The following ASIC2 variants were observed in gnomAD, a reference collection of about 807,000 sequenced individuals.
ASIC2 encodes the protein acid sensing ion channel subunit 2.
Under a neutral mutation model 57.3 loss-of-function variants are expected in ASIC2, and 25 were observed. The observed-to-expected ratio is 0.44, with a 90% CI of 0.32 to 0.61. ASIC2 has a LOEUF of 0.61. ASIC2 is among the 20% of genes least tolerant of loss of function. The probability of loss-of-function intolerance (pLI) is 0.06; values close to 1 mark genes in which losing one functional copy is unlikely to be tolerated. For synonymous variants in ASIC2, 319 were observed against 307.5 expected (o/e 1.04, Z -0.39); for missense variants, 641 against 738.1 (o/e 0.87, Z 1.52).
At chr17:33,219,638 C>T (rs188927598) in intron 1 of ASIC2, among the ~76,000 whole-genome samples, 2 of 152,086 alleles carry the variant, frequency 1.3e-5, no homozygotes, top group Non-Finnish European at 2.9e-5. Context: ...CTGTGTCCTG[C>T]GGGACTCTGG....
At chr17:34,140,670 G>T (rs1323392642) in intron 1 of ASIC2, among the ~76,000 whole-genome samples, 1 of 152,154 alleles carries the variant, frequency 6.6e-6, no homozygotes, top group African/African-American at 2.4e-5. Flanking sequence ...CCAAATGTGG[G>T]AAAATTTGAG....
chr17:33,736,981 G>A (rs1909933577), intron 1 of ASIC2, among the ~76,000 whole-genome samples: 1 of 152,252 alleles, frequency 6.6e-6, no homozygotes. Context: ...CATATTTAAA[G>A]CATATGCTAT....
At chr17:33,958,521 G>T (rs1469872866) in intron 1 of ASIC2, among the ~76,000 whole-genome samples, 2 of 152,136 alleles carry the variant, frequency 1.3e-5, no homozygotes, top group African/African-American at 4.8e-5. Flanking sequence ...TCAAGGCTTG[G>T]GGCTTGTACC....
At chr17:33,126,807 A>G (rs535411564) in intron 1 of ASIC2, among the ~76,000 whole-genome samples, 17 of 149,190 alleles carry the variant, frequency 1.1e-4, no homozygotes, top group Admixed American at 4.6e-4. Context: ...AGGATAATTG[A>G]GACTTATGCC....
intron 2 of ASIC2, among the ~76,000 whole-genome samples, chr17:33,107,167 C>CT (rs1432672886): frequency 2.6e-5 from 4 of 152,166 alleles, no homozygotes; most frequent in Non-Finnish European, 5.9e-5. Context: ...TTTTAACAAC[C>CT]TCCCTTTCTG....
At chr17:33,580,435 C>T (rs991012778) in intron 1 of ASIC2, among the ~76,000 whole-genome samples, 1 of 152,172 alleles carries the variant, frequency 6.6e-6, no homozygotes, top group African/African-American at 2.4e-5. Context: ...CTACAGGTGG[C>T]ATCAGTATCA....
chr17:33,052,744 A>G (rs1371920119), intron 3 of ASIC2: 1 of 152,182 alleles, frequency 6.6e-6, no homozygotes, highest in African/African-American at 2.4e-5. Context: ...CCATGTGCTA[A>G]CAGTGAGTTC....
chr17:33,574,666 A>C (rs1916560215), intron 1 of ASIC2, among the ~76,000 whole-genome samples: 1 of 152,208 alleles, frequency 6.6e-6, no homozygotes, highest in Non-Finnish European at 1.5e-5. Flanking sequence ...TTATAGGAAC[A>C]CTTTATTTTT....
intron 1 of ASIC2, chr17:33,936,484 G>A (rs1916065382): frequency 6.6e-6 from 1 of 152,262 alleles, no homozygotes; most frequent in South Asian, 2.1e-4. Context: ...AAGAGCCCAA[G>A]AGAAAGCTTG....
At chr17:33,565,190 C>T (rs1417154789) in intron 1 of ASIC2, among the ~76,000 whole-genome samples, 1 of 152,170 alleles carries the variant, frequency 6.6e-6, no homozygotes, top group African/African-American at 2.4e-5. Context: ...CCAACTCTGT[C>T]CTGCAGGATC....
At chr17:33,744,618 C>T (rs556507123) in intron 1 of ASIC2, among the ~76,000 whole-genome samples, 25 of 152,132 alleles carry the variant, frequency 1.6e-4, no homozygotes, top group African/African-American at 5.8e-4. Context: ...TAATGTATTA[C>T]CTAAAGCATC....
chr17:33,131,404 T>C (rs918956237), intron 1 of ASIC2, among the ~76,000 whole-genome samples: 1 of 152,154 alleles, frequency 6.6e-6, no homozygotes, highest in African/African-American at 2.4e-5. Context: ...TGGAAAGCTG[T>C]GTGTTCATAT....
At chr17:34,030,532 G>C (rs79202786) in intron 1 of ASIC2, among the ~76,000 whole-genome samples, 2 of 152,148 alleles carry the variant, frequency 1.3e-5, no homozygotes. Context: ...GCAGTGCACC[G>C]TGCGCGAGCT....
At chr17:33,706,875 G>C (rs1011487846) in intron 1 of ASIC2, among the ~76,000 whole-genome samples, 5 of 152,164 alleles carry the variant, frequency 3.3e-5, no homozygotes, top group African/African-American at 1.2e-4. Context: ...CTGTCATTCT[G>C]AAATCCTAAC....
chr17:33,695,847 T>A (rs1468230966), intron 1 of ASIC2, among the ~76,000 whole-genome samples: 1 of 152,236 alleles, frequency 6.6e-6, no homozygotes, highest in Non-Finnish European at 1.5e-5. Context: ...TACACACATA[T>A]GACACATCTA....
intron 1 of ASIC2, among the ~76,000 whole-genome samples, chr17:33,523,065 C>G (rs1285756603): frequency 1.3e-5 from 2 of 152,196 alleles, no homozygotes; most frequent in Non-Finnish European, 2.9e-5. Context: ...CCTCAATCTT[C>G]TTTTTGCAGA....
At chr17:33,387,829 A>G (rs532390981) in intron 1 of ASIC2, among the ~76,000 whole-genome samples, 1 of 152,282 alleles carries the variant, frequency 6.6e-6, no homozygotes, top group African/African-American at 2.4e-5. Context: ...AGAAAAGGGG[A>G]GGCAGAGGAA....
chr17:33,558,093 C>T (rs893135400), intron 1 of ASIC2, among the ~76,000 whole-genome samples: 4 of 151,824 alleles, frequency 2.6e-5, no homozygotes, highest in East Asian at 1.9e-4. Context: ...TTTTTTCTTG[C>T]GTATGTGTAG....
intron 2 of ASIC2, among the ~76,000 whole-genome samples, chr17:33,090,345 T>G (rs1402226349): frequency 6.6e-6 from 1 of 152,198 alleles, no homozygotes; most frequent in Non-Finnish European, 1.5e-5. Context: ...TCCAGCAGGC[T>G]GGAGTATCCT....
Sources: allele counts gnomAD v4.1 joint callset (sites outside exome capture counted in the v4.1 genomes callset), GRCh38; gene constraint gnomAD v4.1.1; transcripts MANE v1.5; gene names NCBI Gene and HGNC (gene_info 2026-07-23, HGNC 2026-07-21).